The following VPS13B variants were observed in gnomAD, a reference collection of about 807,000 sequenced individuals.
The protein encoded by VPS13B is intermembrane lipid transfer protein VPS13B.
In VPS13B, 285 loss-of-function variants were observed where a neutral mutation model predicts 426.4. That is an observed-to-expected ratio of 0.67 (90% CI 0.61 to 0.74). VPS13B has a LOEUF of 0.74. Ranked by LOEUF, VPS13B falls within the 30% of genes least tolerant of loss-of-function variation. The probability of loss-of-function intolerance (pLI) is 0.00; values close to 1 mark genes in which losing one functional copy is unlikely to be tolerated. For synonymous variants in VPS13B, 1,676 were observed against 1,676.4 expected (o/e 1.00, Z 0.01); for missense variants, 4,537 against 4,782.6 (o/e 0.95, Z 1.51).
At chr8:99,299,136 A>G (rs1053301685) in intron 19 of VPS13B, among the ~76,000 whole-genome samples, 6 of 137,088 alleles carry the variant, frequency 4.4e-5, no homozygotes, top group African/African-American at 1.7e-4. Context: ...ATCTTGGCTC[A>G]CTGCAACCTC....
intron 35 of VPS13B, among the ~76,000 whole-genome samples, chr8:99,668,626 C>G (rs570460753): frequency 2.6e-5 from 4 of 152,000 alleles, no homozygotes; most frequent in African/African-American, 9.7e-5. Flanking sequence ...AATGGTAGGT[C>G]CCAACTTCTA....
At chr8:99,406,895 G>A (rs1178603012) in intron 21 of VPS13B, among the ~76,000 whole-genome samples, 1 of 152,148 alleles carries the variant, frequency 6.6e-6, no homozygotes, top group Non-Finnish European at 1.5e-5. Context: ...TGTTAGATAG[G>A]GTTTGTAACA....
chr8:99,442,558 T>A lies in VPS13B; in HGVS notation c.3368T>A (p.Ile1123Asn). ...TLVLCLPQIKIISAGHKYMEP... is the reference protein window; with the variant it reads ...TLVLCLPQIKNISAGHKYMEP... ...GTCCTCTGTTTGCCTCAAATAAAGA[T>A]TATTAGTGCTGGGCACAAGTATATG... Residue 1123 changes from isoleucine (I) to asparagine (N), a missense_variant, in exon 23 of 62, where the codon ATT becomes AAT. Around this residue, in one of 2 missense-constraint regions of VPS13B, gnomAD observed 4,311 missense variants for 4,474.3 expected, o/e 0.96. Coordinates refer to ENST00000357162, the MANE Select transcript of VPS13B (RefSeq NM_152564.5). 6.2e-7 allele frequency: 1 copy of A among 1,614,008 alleles called. No homozygotes were observed.
At chr8:99,038,956 A>T (rs914110385) in intron 3 of VPS13B, among the ~76,000 whole-genome samples, 4 of 152,124 alleles carry the variant, frequency 2.6e-5, no homozygotes, top group Non-Finnish European at 4.4e-5. Context: ...AAGTACTGGG[A>T]TTATAGGCAT....
intron 55 of VPS13B, among the ~76,000 whole-genome samples, chr8:99,851,121 A>G (rs1033837365): frequency 1.3e-5 from 2 of 152,236 alleles, no homozygotes; most frequent in African/African-American, 4.8e-5. Context: ...TTTAACTAGT[A>G]TAGCACAAAA....
chr8:99,394,209 T>A (rs1814611149), intron 21 of VPS13B, among the ~76,000 whole-genome samples: 1 of 152,190 alleles, frequency 6.6e-6, no homozygotes, highest in Admixed American at 6.5e-5. Flanking sequence ...ATTTCTGAGT[T>A]CTTATTAAAA....
intron 33 of VPS13B, among the ~76,000 whole-genome samples, chr8:99,586,587 G>A (rs1826310573): frequency 6.6e-6 from 1 of 152,104 alleles, no homozygotes; most frequent in Non-Finnish European, 1.5e-5. Context: ...TTAATCAAAT[G>A]CATGTTAAAT....
intron 33 of VPS13B, among the ~76,000 whole-genome samples, chr8:99,579,386 C>T (rs1588513723): frequency 6.6e-6 from 1 of 152,086 alleles, no homozygotes; most frequent in Non-Finnish European, 1.5e-5. Context: ...TTCACAACAA[C>T]ACTACCAGAA....
chr8:99,067,544 A>T (rs1844600552), intron 3 of VPS13B, among the ~76,000 whole-genome samples: 1 of 152,146 alleles, frequency 6.6e-6, no homozygotes, highest in South Asian at 2.1e-4. Context: ...CCTAATGTAA[A>T]TGATCAGTTA....
At chr8:99,126,165 A>G (rs539220807) in intron 8 of VPS13B, among the ~76,000 whole-genome samples, 20 of 152,178 alleles carry the variant, frequency 1.3e-4, no homozygotes, top group Non-Finnish European at 2.5e-4. Flanking sequence ...TCTTGCACCC[A>G]CATAAGTGGT....
At chr8:99,704,081 G>T (rs138317486) in intron 36 of VPS13B, among the ~76,000 whole-genome samples, 4 of 152,096 alleles carry the variant, frequency 2.6e-5, no homozygotes, top group African/African-American at 9.6e-5. Context: ...TAAGGACTTG[G>T]GTGACTTTTT....
intron 43 of VPS13B, among the ~76,000 whole-genome samples, chr8:99,802,001 T>C (rs953345488): frequency 6.6e-6 from 1 of 151,932 alleles, no homozygotes; most frequent in Admixed American, 6.6e-5. Context: ...GATACAAAAA[T>C]TAGTCGGGCA....
chr8:99,309,146 A>T (rs1010992820), intron 19 of VPS13B, among the ~76,000 whole-genome samples: 23 of 152,000 alleles, frequency 1.5e-4, no homozygotes, highest in East Asian at 1.9e-4. Context: ...GTTTACTCTG[A>T]TGGTAGTTTC....
chr8:99,025,728 C>G (rs1423704439), intron 2 of VPS13B, among the ~76,000 whole-genome samples: 2 of 152,114 alleles, frequency 1.3e-5, no homozygotes, highest in African/African-American at 4.8e-5. Flanking sequence ...CTGATTCAAT[C>G]TCATTACTCG....
chr8:99,651,275 A>G (rs1486995941), intron 34 of VPS13B, among the ~76,000 whole-genome samples: 1 of 152,212 alleles, frequency 6.6e-6, no homozygotes, highest in Non-Finnish European at 1.5e-5. Flanking sequence ...TTAATAGAGT[A>G]TAATTCATAT....
At chr8:99,478,447 G>GTTTTGTTTTTT (rs1819822769) in intron 24 of VPS13B, among the ~76,000 whole-genome samples, 7 of 85,768 alleles carry the variant, frequency 8.2e-5, no homozygotes, top group East Asian at 3.6e-4. Context: ...TTTTTGTTTT[G>GTTTTGTTTTTT]TTTTTTTTTT....
At chr8:99,833,844 C>A (rs1815224980) in intron 52 of VPS13B, among the ~76,000 whole-genome samples, 1 of 152,170 alleles carries the variant, frequency 6.6e-6, no homozygotes, top group Non-Finnish European at 1.5e-5. Flanking sequence ...TGGCCCTAGC[C>A]TTCTTGGCTA....
At chr8:99,032,981 G>A (rs903666243) in intron 2 of VPS13B, among the ~76,000 whole-genome samples, 1 of 152,050 alleles carries the variant, frequency 6.6e-6, no homozygotes, top group Non-Finnish European at 1.5e-5. Flanking sequence ...TGCTGCTTGT[G>A]CTGTTATTGT....
chr8:99,604,833 T>C (rs1442698518), intron 33 of VPS13B, among the ~76,000 whole-genome samples: 2 of 152,178 alleles, frequency 1.3e-5, no homozygotes, highest in African/African-American at 2.4e-5. Flanking sequence ...TAGAATGTCT[T>C]TTAATTTGGA....
Sources: gnomAD v4.1 joint callset for allele counts (sites outside exome capture counted in the v4.1 genomes callset) on GRCh38, gnomAD v4.1.1 for gene constraint, gnomAD v4.1.1 regional missense constraint, MANE v1.5 for transcripts, NCBI Gene and HGNC (gene_info 2026-07-23, HGNC 2026-07-21) for gene names.